Variants in DRD2 observed in about 807,000 individuals in gnomAD.
DRD2 encodes the protein dopamine receptor D2.
Under a neutral mutation model 38.0 loss-of-function variants are expected in DRD2, and 8 were observed. That is an observed-to-expected ratio of 0.21 (90% CI 0.12 to 0.38). DRD2 has a LOEUF of 0.38. Among genes scored for constraint, DRD2 ranks in the 10% least tolerant of loss-of-function variants. DRD2 has a pLI of 1.00. For missense variants in DRD2, 403 were observed against 607.7 expected (o/e 0.66, Z 3.54); for synonymous variants, 230 against 238.6 (o/e 0.96, Z 0.33).
intron 1 of DRD2, among the ~76,000 whole-genome samples, chr11:113,460,898 C>T (rs1951312548): frequency 6.6e-6 from 1 of 152,272 alleles, no homozygotes; most frequent in Non-Finnish European, 1.5e-5. Context: ...AGTCCCAAAG[C>T]TGGCCTGAGA....
At chr11:113,470,301 A>ACAGGC (rs1951411084) in intron 1 of DRD2, among the ~76,000 whole-genome samples, 2 of 152,252 alleles carry the variant, frequency 1.3e-5, no homozygotes, top group Non-Finnish European at 2.9e-5. Flanking sequence ...TAACAAATGA[A>ACAGGC]CAGGCGCCAG....
In DRD2 at chr11:113,475,173, T is replaced by C. The variant is rs1277797240; in HGVS notation, c.-129A>G. On this transcript the variant is annotated 5_prime_UTR_variant, in exon 1 of 8. Coordinates refer to ENST00000362072, the MANE Select transcript of DRD2 (RefSeq NM_000795.4). ...CGCGCGGCCGCCCCTCCGGCAGCCG[T>C]CCGGGGCCGCCACTCTCCTCGGCCG... is the stretch of plus-strand genomic sequence containing the variant. The C allele has an allele frequency of 2.7e-5, 4 of 150,308 alleles. No homozygotes were observed. Among genetic ancestry groups the C allele is most frequent in the African/African-American group, 9.7e-5 (4 of 41,214 alleles). The allele number at this position is 150,308 out of a possible 1,614,324, so 9.3% of individuals were successfully genotyped here. A position where few individuals can be genotyped will look rare whatever the true frequency, so the allele number is the denominator to read the frequency against.
intron 1 of DRD2, among the ~76,000 whole-genome samples, chr11:113,445,457 G>C (rs1240196304): frequency 1.3e-5 from 2 of 152,156 alleles, no homozygotes; most frequent in Non-Finnish European, 2.9e-5. Flanking sequence ...ATTCACACAG[G>C]CACCTCCGAT....
chr11:113,424,686 G>A lies in DRD2; in HGVS notation c.-31-4C>T. On this transcript the variant is annotated splice_region_variant and splice_polypyrimidine_tract_variant and intron_variant, in intron 1 of 7. Transcript: ENST00000362072. Reference sequence around the variant, plus strand: ...GGAGCCACTGGGTGGCCAGGCTCTGGCCAGGAAAAATGGACACAAGGTGTC... The same window carrying A: ...GGAGCCACTGGGTGGCCAGGCTCTGACCAGGAAAAATGGACACAAGGTGTC... The A allele has an allele frequency of 2.5e-6, 4 of 1,613,244 alleles. No homozygotes were observed. The highest frequency in any genetic ancestry group is 3.4e-6 in the Non-Finnish European group (4 of 1,180,030).
intron 2 of DRD2, among the ~76,000 whole-genome samples, chr11:113,423,021 T>C (rs1413537681): frequency 6.6e-6 from 1 of 152,154 alleles, no homozygotes; most frequent in Non-Finnish European, 1.5e-5. Flanking sequence ...TGCCTTCCCA[T>C]GCACCTAGAC....
At chr11:113,433,054 T>C (rs2138193797) in intron 1 of DRD2, among the ~76,000 whole-genome samples, 1 of 152,136 alleles carries the variant, frequency 6.6e-6, no homozygotes, top group East Asian at 1.9e-4. Flanking sequence ...GCACAGTCAC[T>C]GTCTGGAGGG....
At chr11:113,422,314 T>C (rs1448729449) in intron 2 of DRD2, among the ~76,000 whole-genome samples, 1 of 152,228 alleles carries the variant, frequency 6.6e-6, no homozygotes, top group African/African-American at 2.4e-5. Context: ...CTGTGAGCCA[T>C]GTATCATTCT....
At chr11:113,415,382 G>T (rs1950815331) in intron 5 of DRD2, 39 bp downstream of exon 5, 1 of 1,588,372 alleles carries the variant, frequency 6.3e-7, no homozygotes, top group Non-Finnish European at 8.6e-7. Context: ...TAATGGTTAG[G>T]TGGGGACCCT....
At position 113,410,690 on chromosome 11, in the gene DRD2, G is replaced by T. The variant is rs9282673; in HGVS notation, c.*37C>A. On this transcript the variant is annotated 3_prime_UTR_variant, in exon 8 of 8. Transcript: ENST00000362072. ...TGAGGCTGGCCGGCCTGGGCAGGGA[G>T]GTGGGAAGCAGGCTGCTGTGCGGGC... 15 of 1,613,248 alleles carry T rather than the reference G, an allele frequency of 9.3e-6. No homozygotes were observed. The highest frequency in any genetic ancestry group is 1.3e-5 in the Non-Finnish European group (15 of 1,179,680).
chr11:113,435,576 T>C (rs1442747415), intron 1 of DRD2, among the ~76,000 whole-genome samples: 2 of 152,002 alleles, frequency 1.3e-5, no homozygotes, highest in Non-Finnish European at 2.9e-5. Context: ...CTCTAGAAAT[T>C]GCCCAGGAGA....
intron 1 of DRD2, among the ~76,000 whole-genome samples, chr11:113,466,986 C>T (rs1357120180): frequency 6.6e-6 from 1 of 152,144 alleles, no homozygotes; most frequent in Non-Finnish European, 1.5e-5. Flanking sequence ...GATCCCAGAC[C>T]TTCAACTACA....
chr11:113,420,150 C>T (rs1950872010), intron 2 of DRD2, among the ~76,000 whole-genome samples: 1 of 152,210 alleles, frequency 6.6e-6, no homozygotes, highest in African/African-American at 2.4e-5. Flanking sequence ...ACTTGGGAGC[C>T]ACTGGGGATC....
At position 113,450,974 on chromosome 11, in the gene DRD2, T is replaced by G. The variant is rs1049629893; in HGVS notation, c.-32+24102A>C. 7.2e-5 allele frequency among the ~76,000 whole-genome samples: 11 copies of G among 152,312 alleles called. No individual in the cohort carries two copies. In the South Asian group the frequency reaches 2.3e-3, roughly 32 times the overall value. On this transcript the variant is annotated intron_variant, in intron 1 of 7. Transcript: ENST00000362072. Reference sequence around the variant, plus strand: ...AATTCCTGGAGACCCAAAACATCACTGTAGCCCCCAGTCAAAGGTGGGACT... The same window carrying G: ...AATTCCTGGAGACCCAAAACATCACGGTAGCCCCCAGTCAAAGGTGGGACT...
At chr11:113,452,893 C>T (rs935217122) in intron 1 of DRD2, among the ~76,000 whole-genome samples, 3 of 152,048 alleles carry the variant, frequency 2.0e-5, no homozygotes, top group Non-Finnish European at 4.4e-5. Context: ...CTCAGGTGAT[C>T]TACCCGCCTC....
intron 2 of DRD2, among the ~76,000 whole-genome samples, chr11:113,421,649 A>AGCCAGACAGAT (rs1404975225): frequency 6.6e-6 from 1 of 152,166 alleles, no homozygotes; most frequent in Non-Finnish European, 1.5e-5. Flanking sequence ...CTTAGTCCTA[A>AGCCAGACAGAT]GCCAGACAGA....
At chr11:113,427,170 T>C (rs1206714951) in intron 1 of DRD2, among the ~76,000 whole-genome samples, 1 of 152,236 alleles carries the variant, frequency 6.6e-6, no homozygotes, top group Non-Finnish European at 1.5e-5. Flanking sequence ...TTAATTATTA[T>C]CCCTGTCTAT....
At chr11:113,450,292 C>G (rs561144546) in intron 1 of DRD2, among the ~76,000 whole-genome samples, 30 of 152,228 alleles carry the variant, frequency 2.0e-4, no homozygotes, top group Non-Finnish European at 3.8e-4. Flanking sequence ...GCCAAACAAG[C>G]AACCAGAGCT....
chr11:113,449,832 T>C (rs1951193438), intron 1 of DRD2, among the ~76,000 whole-genome samples: 1 of 152,022 alleles, frequency 6.6e-6, no homozygotes. Flanking sequence ...GAAGCGAAAA[T>C]TCACCCCAAA....
At chr11:113,438,180 G>T (rs17115583) in intron 1 of DRD2, among the ~76,000 whole-genome samples, 1 of 151,844 alleles carries the variant, frequency 6.6e-6, no homozygotes, top group African/African-American at 2.4e-5. Flanking sequence ...GTGTCAATGC[G>T]TCCTATTTTT....
Sources: allele counts gnomAD v4.1 joint callset (sites outside exome capture counted in the v4.1 genomes callset), GRCh38; gene constraint gnomAD v4.1.1; transcripts MANE v1.5; gene names NCBI Gene and HGNC (gene_info 2026-07-23, HGNC 2026-07-21).